The following MYO1C variants were observed in gnomAD, a reference collection of about 807,000 sequenced individuals.
MYO1C encodes the protein myosin IC, also known as unconventional myosin-Ic.
A neutral mutation model predicts 150.8 loss-of-function variants in MYO1C; 104 were observed. The ratio of observed to expected loss-of-function variants is 0.69; its 90% confidence interval spans 0.59 to 0.81. The LOEUF (loss-of-function observed/expected upper bound fraction) is 0.81. MYO1C is among the 30% of genes least tolerant of loss of function. MYO1C has a pLI of 0.00. For missense variants in MYO1C, 1,504 were observed against 1,435.0 expected (o/e 1.05, Z -0.78); for synonymous variants, 663 against 579.9 (o/e 1.14, Z -2.06).
At chr17:1,489,849 G>A (rs7221751) in intron 1 of MYO1C, among the ~76,000 whole-genome samples, 23,126 of 151,566 alleles carry the variant, frequency 0.15, 2,203 homozygotes, top group African/African-American at 0.26. Context: ...GACCAGCCTG[G>A]CCCACATGGT....
At chr17:1,473,881 T>A (rs1044612782) in intron 17 of MYO1C, among the ~76,000 whole-genome samples, 2 of 151,994 alleles carry the variant, frequency 1.3e-5, no homozygotes, top group African/African-American at 2.4e-5. Flanking sequence ...CGTTTGCTGT[T>A]CCCTCTTCTA....
At chr17:1,485,759 C>A in intron 1 of MYO1C, 8 of 1,074,944 alleles carry the variant, frequency 7.4e-6, no homozygotes, top group Non-Finnish European at 9.0e-6. Context: ...GCTCCGGGTC[C>A]CGGGCTCGGC....
At position 1,470,418 on chromosome 17, in the gene MYO1C, G is replaced by C; in HGVS notation, c.2366+17C>G. ...ACGCCCTGCTCTGCAGCCCCCACAAGGCACCCTGGCGCTCACCGCCGGATG... is the reference window on the plus strand; with the variant it reads ...ACGCCCTGCTCTGCAGCCCCCACAACGCACCCTGGCGCTCACCGCCGGATG... On this transcript the variant is annotated intron_variant, in intron 23 of 31. Transcript: ENST00000648651. The C allele has an allele frequency of 6.5e-7, 1 of 1,550,160 alleles. No individual in the cohort carries two copies. Among genetic ancestry groups the C allele is most frequent in the Non-Finnish European group, 8.7e-7 (1 of 1,146,964 alleles).
At chr17:1,491,569 C>G (rs1274424889) in intron 1 of MYO1C, 1 of 960,672 alleles carries the variant, frequency 1.0e-6, no homozygotes, top group African/African-American at 1.8e-5. Flanking sequence ...CCGCCCCCCG[C>G]GGCCGCCGTC....
intron 3 of MYO1C, 68 bp downstream of exon 3, chr17:1,483,541 TA>T: frequency 8.9e-7 from 1 of 1,119,028 alleles, no homozygotes. Context: ...CAGAGTAAGG[TA>T]AGGGTTGGGC....
chr17:1,492,055 T>G (rs556602765), intron 1 of MYO1C: 3 of 355,796 alleles, frequency 8.4e-6, no homozygotes, highest in African/African-American at 6.3e-5. Context: ...GTCCCAGCCC[T>G]GCGGACTGGA....
chr17:1,486,649 G>T lies in MYO1C; in HGVS notation c.76-2346C>A, dbSNP rs935053728. On this transcript the variant is annotated intron_variant, in intron 1 of 31. Transcript: ENST00000648651. Reference sequence around the variant, plus strand: ...TCCTGTCTCAGCCTCCCGAGTAGCTGGGATTACAGGCGTGCGCCACCACAC... The same window carrying T: ...TCCTGTCTCAGCCTCCCGAGTAGCTTGGATTACAGGCGTGCGCCACCACAC... 1.3e-5 allele frequency among the ~76,000 whole-genome samples: 2 copies of T among 152,164 alleles called. 1 individual carries two copies. Among genetic ancestry groups the T allele is most frequent in the South Asian group, 4.1e-4 (2 of 4,828 alleles).
At position 1,467,494 on chromosome 17, in the gene MYO1C, G is replaced by A. The variant is rs771399198; in HGVS notation, c.3051C>T (p.Asn1017=). 2.5e-5 allele frequency: 41 copies of A among 1,613,116 alleles called. No individual in the cohort carries two copies. In the Admixed American group the frequency reaches 6.5e-4, roughly 26 times the overall value. Residue 1017 remains asparagine (N), a synonymous_variant, in exon 30 of 32, where the codon AAC becomes AAT. Transcript: ENST00000648651. Reference sequence around the variant, plus strand: ...CCGCGCCTCACCTGCCCTGGTTGATGTTGATGCTGTTCACGCGGTTGGCAC... The same window carrying A: ...CCGCGCCTCACCTGCCCTGGTTGATATTGATGCTGTTCACGCGGTTGGCAC... ...ALSANRVNSI[N]INQGSITFAG...
At chr17:1,470,963 G>T in intron 21 of MYO1C, 108 bp downstream of exon 21, 2 of 1,253,342 alleles carry the variant, frequency 1.6e-6, no homozygotes, top group East Asian at 2.4e-5. Context: ...GCGTGGGGCT[G>T]GAGCTGATAG....
At chr17:1,489,934 G>T (rs982711377) in intron 1 of MYO1C, among the ~76,000 whole-genome samples, 1 of 151,360 alleles carries the variant, frequency 6.6e-6, no homozygotes, top group Non-Finnish European at 1.5e-5. Flanking sequence ...CAGCTACTTG[G>T]GAGGCTGAGA....
intron 1 of MYO1C, among the ~76,000 whole-genome samples, chr17:1,488,888 G>T (rs901899899): frequency 6.6e-6 from 1 of 152,190 alleles, no homozygotes; most frequent in African/African-American, 2.4e-5. Flanking sequence ...ACAGGGGATG[G>T]GGTGGCCCAG....
At position 1,477,661 on chromosome 17, in the gene MYO1C, G is replaced by T. The variant is rs2286875; in HGVS notation, c.1483-65C>A. On this transcript the variant is annotated intron_variant, in intron 13 of 31. Transcript: ENST00000648651. ...AGGTCAGAGCGCACAGAGGATTGGG[G>T]TCACCGTGCTGGGAGGCACAGACAC... 237,835 of 1,331,576 alleles carry T rather than the reference G, an allele frequency of 0.18. 22,652 individuals are homozygous for T. Among genetic ancestry groups the T allele is most frequent in the Middle Eastern group, 0.27 (1,479 of 5,524 alleles). 82.5% of individuals were successfully genotyped at this position (1,331,576 alleles called of 1,614,324 possible). A position where few individuals can be genotyped will look rare whatever the true frequency, so the allele number is the denominator to read the frequency against.
At chr17:1,482,021 G>A (rs374922088) in intron 5 of MYO1C, among the ~76,000 whole-genome samples, 4 of 151,968 alleles carry the variant, frequency 2.6e-5, no homozygotes, top group Admixed American at 6.6e-5. Flanking sequence ...CACCTGCACA[G>A]CCTGCTCCTA....
At chr17:1,488,072 G>C (rs1471929232) in intron 1 of MYO1C, among the ~76,000 whole-genome samples, 1 of 152,152 alleles carries the variant, frequency 6.6e-6, no homozygotes, top group Non-Finnish European at 1.5e-5. Context: ...CGCGAGGCGT[G>C]GGGGACTCGG....
Position 1,472,375 on chromosome 17 carries a change from G to A in MYO1C, c.1798-147C>T, listed in dbSNP as rs2150940956. 6 of 693,828 alleles carry A rather than the reference G, an allele frequency of 8.6e-6. No homozygotes were observed. The East Asian group carries it at 1.4e-4, about 16-fold the overall frequency. The allele number at this position is 693,828 out of a possible 1,614,324, so 43.0% of individuals were successfully genotyped here. On this transcript the variant is annotated intron_variant, in intron 17 of 31. Coordinates refer to ENST00000648651, the MANE Select transcript of MYO1C (RefSeq NM_001080779.2). ...TTACTCCTCCCACCACAGCTTCCTC[G>A]CAGCAGAGGAGGGGGCCAGACTCCA...
chr17:1,473,636 C>T (rs2074346944), intron 17 of MYO1C, among the ~76,000 whole-genome samples: 1 of 152,156 alleles, frequency 6.6e-6, no homozygotes, highest in African/African-American at 2.4e-5. Context: ...ACAGCCGTAC[C>T]TCCGCCTTCA....
chr17:1,492,465 A>T lies in MYO1C; in HGVS notation c.23T>A (p.Val8Glu). MALQVELVPTGEIIRVVH... is the reference protein window; with the variant it reads MALQVELEPTGEIIRVVH... Reference sequence around the variant, plus strand: ...CACGCGGATGATCTCCCCGGTGGGTACCAGCTCCACTTGCAGCGCCATTCC... The same window carrying T: ...CACGCGGATGATCTCCCCGGTGGGTTCCAGCTCCACTTGCAGCGCCATTCC... The change falls in exon 1 of 32, where the codon GTA (valine) becomes GAA (glutamate). Residue 8 changes from valine to glutamate, a missense_variant. Val to Glu is a moderately radical substitution (Grantham distance 121, BLOSUM62 -2). Coordinates refer to ENST00000648651, the MANE Select transcript of MYO1C (RefSeq NM_001080779.2). 6.2e-7 allele frequency: 1 copy of T among 1,606,262 alleles called. No individual in the cohort carries two copies. The highest frequency in any genetic ancestry group is 8.5e-7 in the Non-Finnish European group (1 of 1,176,764).
chr17:1,479,748 G>C lies in MYO1C; in HGVS notation c.907-43C>G. 6.8e-7 allele frequency: 1 copy of C among 1,476,282 alleles called. No individual in the cohort carries two copies. The highest frequency in any genetic ancestry group is 9.3e-7 in the Non-Finnish European group (1 of 1,070,950). The allele number at this position is 1,476,282 out of a possible 1,614,324, so 91.4% of individuals were successfully genotyped here. On this transcript the variant is annotated intron_variant, in intron 7 of 31. Coordinates refer to ENST00000648651, the MANE Select transcript of MYO1C (RefSeq NM_001080779.2). The surrounding 1 kb of genome is among the most constrained non-coding windows in gnomAD (Gnocchi z 4.2). Reference sequence around the variant, plus strand: ...GGGCAGGAGGGGGTGAGAGGGGCCAGAGAGCCCCAAGAGGGCAACTAGCAG... The same window carrying C: ...GGGCAGGAGGGGGTGAGAGGGGCCACAGAGCCCCAAGAGGGCAACTAGCAG...
intron 7 of MYO1C, among the ~76,000 whole-genome samples, chr17:1,480,228 C>T (rs1418178900): frequency 6.6e-6 from 1 of 150,830 alleles, no homozygotes. Flanking sequence ...AGGCGGATCA[C>T]CTGAGGTCGG....
Sources: allele counts gnomAD v4.1 joint callset (sites outside exome capture counted in the v4.1 genomes callset), GRCh38; gene constraint gnomAD v4.1.1; non-coding constraint Gnocchi (gnomAD v3.1); transcripts MANE v1.5; gene names NCBI Gene and HGNC (gene_info 2026-07-23, HGNC 2026-07-21).